NLRP2: variants seen among roughly 807,000 people sequenced by gnomAD.
The protein encoded by NLRP2 is NACHT, LRR and PYD domains-containing protein 2.
Under a neutral mutation model 97.2 loss-of-function variants are expected in NLRP2, and 107 were observed. That is an observed-to-expected ratio of 1.10 (90% CI 0.94 to 1.29). The LOEUF (loss-of-function observed/expected upper bound fraction) is 1.29, where lower values mean the gene tolerates loss of function less well. Ranked by LOEUF, NLRP2 falls within the 50% of genes most tolerant of loss-of-function variation. NLRP2 has a pLI of 0.00. For missense variants in NLRP2, 1,495 were observed against 1,330.3 expected, an observed-to-expected ratio of 1.12 and a Z score of -1.93; for synonymous variants, 663 against 551.5, an observed-to-expected ratio of 1.20 and a Z score of -2.83.
At chr19:54,996,942 CTG>C (rs1471411394) in intron 11 of NLRP2, among the ~76,000 whole-genome samples, 2 of 152,096 alleles carry the variant, frequency 1.3e-5, no homozygotes, top group Non-Finnish European at 2.9e-5. Context: ...GAGTCTCACT[CTG>C]TCACCCAGGC....
At chr19:54,994,059 A>AG in intron 10 of NLRP2, 1 of 647,518 alleles carries the variant, frequency 1.5e-6, no homozygotes, top group Non-Finnish European at 2.8e-6. Context: ...CACCTCTACG[A>AG]GGTCCCTTTT....
intron 1 of NLRP2, among the ~76,000 whole-genome samples, chr19:54,968,994 C>G (rs1386862128): frequency 6.6e-6 from 1 of 152,118 alleles, no homozygotes; most frequent in Non-Finnish European, 1.5e-5. Flanking sequence ...AGCCACCGCG[C>G]CCGGCTGTGT....
At position 55,000,764 on chromosome 19, in the gene NLRP2, A is replaced by T; in HGVS notation, c.3055A>T (p.Lys1019Ter). 1 of 1,613,714 alleles carries T rather than the reference A, an allele frequency of 6.2e-7. No homozygotes were observed. The highest frequency in any genetic ancestry group is 8.5e-7 in the Non-Finnish European group (1 of 1,179,734). The change falls in exon 13 of 13, where the codon AAA becomes TAA. Residue 1019 changes from lysine (K) to a stop codon, truncating the protein, a stop_gained. Coordinates refer to ENST00000448584, the MANE Select transcript of NLRP2 (RefSeq NM_017852.5). LOFTEE classifies it low-confidence loss of function (END_TRUNC). Reference sequence around the variant, plus strand: ...TCTTCCCCCATTGTACCCCAGGTTGAAAATCGATGACTTTAATGATGAACT... The same window carrying T: ...TCTTCCCCCATTGTACCCCAGGTTGTAAATCGATGACTTTAATGATGAACT... ...SSGTLRTLRLKIDDFNDELNK... is the reference protein window; with the variant it reads ...SSGTLRTLRL
chr19:55,000,196 G>A (rs1271630059), intron 12 of NLRP2, among the ~76,000 whole-genome samples: 2 of 143,302 alleles, frequency 1.4e-5, no homozygotes, highest in African/African-American at 2.6e-5. Flanking sequence ...AGGATGGCTT[G>A]AACCCAAGAG....
At position 54,990,176 on chromosome 19, in the gene NLRP2, T is replaced by A; in HGVS notation, c.2521T>A (p.Phe841Ile). The A allele has an allele frequency of 6.2e-7, 1 of 1,614,128 alleles. No individual in the cohort carries two copies. Among genetic ancestry groups the A allele is most frequent in the South Asian group, 1.1e-5 (1 of 91,080 alleles). ...CACAACTTTGAGACACCCCAAGTGC[T>A]TTCTGCAGAGGTTGTCGTAAGTCTC... Reference protein sequence around the residue: ...LYTTLRHPKCFLQRLSLENCH... With the variant: ...LYTTLRHPKCILQRLSLENCH... Residue 841 changes from phenylalanine (F) to isoleucine (I), a missense_variant, in exon 9 of 13, where the codon TTT (phenylalanine) becomes ATT (isoleucine). Physicochemically the swap from Phe to Ile is conservative, Grantham distance 21. Transcript: ENST00000448584.
intron 10 of NLRP2, 175 bp downstream of exon 10, chr19:54,990,847 G>A (rs937449246): frequency 1.3e-5 from 9 of 682,296 alleles, no homozygotes; most frequent in Non-Finnish European, 2.1e-5. Context: ...ATAAGTAGTA[G>A]TAGAGTAGTA....
At chr19:54,986,442 C>T in intron 8 of NLRP2, 127 bp downstream of exon 8, 1 of 824,554 alleles carries the variant, frequency 1.2e-6, no homozygotes, top group Non-Finnish European at 2.0e-6. Context: ...GGGCAGATGA[C>T]CCAGGATGCA....
rs1168964890 is a variant in NLRP2 at position 55,000,858 on chromosome 19, C to T, written c.3149C>T (p.Pro1050Leu). The change falls in exon 13 of 13, where the codon CCC becomes CTC. Residue 1050 changes from proline to leucine, a missense_variant. Pro to Leu is a moderately conservative substitution (Grantham distance 98). Transcript: ENST00000448584. ...ATTATTGATACTGAGAAACATCATC[C>T]CTGGGCAGAAAGGCCTTCTTCTCAT... ...QLIIDTEKHH[P>L]WAERPSSHDF... 4 of 1,613,318 alleles carry T rather than the reference C, an allele frequency of 2.5e-6. No homozygotes were observed. In the African/African-American group the frequency reaches 4.0e-5, roughly 16 times the overall value.
Position 54,982,319 on chromosome 19 carries a change from C to T in NLRP2, c.621C>T (p.Tyr207=), listed in dbSNP as rs139279089. 9.6e-4 allele frequency: 1,545 copies of T among 1,614,144 alleles called. 5 individuals are homozygous for T. Among genetic ancestry groups the T allele is most frequent in the Middle Eastern group, 2.3e-3 (14 of 6,060 alleles). ...NPRVLPGPFS[Y]TVVLYGPAGL... is the part of the protein sequence containing the mutation. ...GGGTGCTTCCCGGGCCCTTCTCATA[C>T]ACGGTGGTGCTGTATGGTCCTGCAG... The change falls in exon 6 of 13, where the codon TAC becomes TAT. Residue 207 remains tyrosine (Y), a synonymous_variant. Coordinates refer to ENST00000448584, the MANE Select transcript of NLRP2 (RefSeq NM_017852.5).
At chr19:54,999,885 C>CTATAATCACACCCA (rs2073082885) in intron 12 of NLRP2, among the ~76,000 whole-genome samples, 1 of 151,854 alleles carries the variant, frequency 6.6e-6, no homozygotes, top group Non-Finnish European at 1.5e-5. Flanking sequence ...TATAGGGATG[C>CTATAATCACACCCA]ACCATCACAC....
At chr19:54,978,138 A>G (rs1484005569) in intron 4 of NLRP2, among the ~76,000 whole-genome samples, 6 of 152,054 alleles carry the variant, frequency 3.9e-5, no homozygotes, top group Admixed American at 3.9e-4. Flanking sequence ...GGCTCACTGT[A>G]ACCTCCACCT....
At chr19:54,974,463 G>T in intron 2 of NLRP2, 37 bp from the exon 3 acceptor site, 1 of 1,571,490 alleles carries the variant, frequency 6.4e-7, no homozygotes, top group South Asian at 1.1e-5. Context: ...TGAGCTTATG[G>T]TAAAATGCAA....
intron 2 of NLRP2, among the ~76,000 whole-genome samples, chr19:54,970,598 A>G (rs559793613): frequency 2.6e-5 from 4 of 151,814 alleles, no homozygotes; most frequent in Non-Finnish European, 4.4e-5. Context: ...GGGGGTTGCT[A>G]TGAGCCGAGA....
At chr19:54,984,508 A>C (rs1240030302) in intron 6 of NLRP2, among the ~76,000 whole-genome samples, 2 of 30,110 alleles carry the variant, frequency 6.6e-5, no homozygotes, top group East Asian at 6.6e-4. Flanking sequence ...TTTGAGACGG[A>C]GTTTCACTCT....
At chr19:54,977,945 G>A (rs1027449599) in intron 4 of NLRP2, 122 bp downstream of exon 4, 2 of 904,094 alleles carry the variant, frequency 2.2e-6, no homozygotes, top group Middle Eastern at 2.1e-4. Flanking sequence ...TTCTTAATGT[G>A]CCCACTGTCT....
intron 1 of NLRP2, among the ~76,000 whole-genome samples, chr19:54,967,220 C>A (rs138837912): frequency 6.6e-6 from 1 of 152,212 alleles, no homozygotes; most frequent in African/African-American, 2.4e-5. Flanking sequence ...CAGTGGCTCA[C>A]GCCTGTAATC....
intron 12 of NLRP2, among the ~76,000 whole-genome samples, chr19:54,999,042 A>ACCCCGCCAACCTCCCTCCCGGACG (rs1337867779): frequency 7.3e-6 from 1 of 136,208 alleles, no homozygotes; most frequent in South Asian, 2.3e-4. Flanking sequence ...CCTCCCGGAC[A>ACCCCGCCAACCTCCCTCCCGGACG]GGGCGGCTGG....
At chr19:54,992,574 G>GTTTTTT (rs71181722) in intron 10 of NLRP2, among the ~76,000 whole-genome samples, 2 of 95,002 alleles carry the variant, frequency 2.1e-5, no homozygotes, top group South Asian at 3.8e-4. Context: ...TTTTTTTTTG[G>GTTTTTT]TTTTTTTTTT....
At chr19:54,999,364 C>T (rs943926084) in intron 12 of NLRP2, among the ~76,000 whole-genome samples, 6 of 152,138 alleles carry the variant, frequency 3.9e-5, no homozygotes, top group Non-Finnish European at 8.8e-5. Context: ...TCAGGCTGGT[C>T]TCGAACTCCT....
Sources: allele counts gnomAD v4.1 joint callset (sites outside exome capture counted in the v4.1 genomes callset), GRCh38; gene constraint gnomAD v4.1.1; transcripts MANE v1.5; gene names NCBI Gene and HGNC (gene_info 2026-07-23, HGNC 2026-07-21).